Variants in ESRRG observed in about 807,000 individuals in gnomAD.
ESRRG encodes the protein estrogen-related receptor gamma.
ESRRG carries 13 observed loss-of-function variants against 44.0 expected under a neutral mutation model. That is an observed-to-expected ratio of 0.30 (90% CI 0.19 to 0.47). ESRRG has a LOEUF of 0.47. ESRRG is among the 20% of genes least tolerant of loss of function. ESRRG has a pLI of 1.00. For synonymous variants in ESRRG, 215 were observed against 214.6 expected, an observed-to-expected ratio of 1.00 and a Z score of -0.02; for missense variants, 395 against 580.6, an observed-to-expected ratio of 0.68 and a Z score of 3.29.
intron 3 of ESRRG, among the ~76,000 whole-genome samples, chr1:216,620,893 A>G (rs1271785735): frequency 2.0e-5 from 3 of 152,176 alleles, no homozygotes; most frequent in Non-Finnish European, 4.4e-5. Flanking sequence ...AATGATATAG[A>G]AAAAGGAATT....
In ESRRG at chr1:216,780,956, C is replaced by T. The variant is rs149418130; in HGVS notation, c.-13-103465G>A. Among the ~76,000 whole-genome samples, 78 of 152,064 alleles carry T rather than the reference C, an allele frequency of 5.1e-4. 1 individual carries two copies. The highest frequency in any genetic ancestry group is 1.9e-3 in the African/African-American group (77 of 41,530). ...ATCAACAACATATATGGATCCTGTA[C>T]CTTTCTACTTTGGCGCTAAATTCAA... is the stretch of plus-strand genomic sequence containing the variant. On this transcript the variant is annotated intron_variant, in intron 2 of 7. Coordinates refer to the ESRRG transcript ENST00000359162.
chr1:216,817,391 G>A (rs546862963), intron 2 of ESRRG, among the ~76,000 whole-genome samples: 1 of 152,074 alleles, frequency 6.6e-6, no homozygotes, highest in Non-Finnish European at 1.5e-5. Flanking sequence ...AATAATAAAG[G>A]TAGAAAAGAT....
chr1:216,516,668 C>CAGAGAGAGAGAGAG (rs869054150), intron 6 of ESRRG, among the ~76,000 whole-genome samples: 8 of 137,158 alleles, frequency 5.8e-5, no homozygotes, highest in African/African-American at 2.4e-4. Flanking sequence ...CACACACACA[C>CAGAGAGAGAGAGAG]AGAGAGAGAG....
At chr1:216,683,276 C>T (rs2077351727) in intron 1 of ESRRG, among the ~76,000 whole-genome samples, 1 of 152,194 alleles carries the variant, frequency 6.6e-6, no homozygotes, top group South Asian at 2.1e-4. Flanking sequence ...TCCTGACCCA[C>T]ACGCTCAGAA....
intron 1 of ESRRG, among the ~76,000 whole-genome samples, chr1:216,985,330 C>A (rs551916325): frequency 6.6e-6 from 1 of 152,192 alleles, no homozygotes; most frequent in African/African-American, 2.4e-5. Context: ...CCTCCACGCA[C>A]TGGAAGAGGT....
At chr1:216,555,497 A>G (rs369023648) in intron 5 of ESRRG, among the ~76,000 whole-genome samples, 6 of 152,016 alleles carry the variant, frequency 3.9e-5, no homozygotes, top group African/African-American at 1.4e-4. Context: ...ATCATATCAG[A>G]AATTCTAAGT....
chr1:216,837,378 T>G (rs1002673581), intron 2 of ESRRG, among the ~76,000 whole-genome samples: 3 of 149,578 alleles, frequency 2.0e-5, no homozygotes, highest in Non-Finnish European at 2.9e-5. Context: ...GCCACCGCAC[T>G]CCAGCCTGGG....
intron 1 of ESRRG, among the ~76,000 whole-genome samples, chr1:216,692,573 T>G (rs2079271163): frequency 6.6e-6 from 1 of 152,022 alleles, no homozygotes; most frequent in South Asian, 2.1e-4. Context: ...CAAAGAAAAT[T>G]TTTAAATAAA....
chr1:216,530,925 G>GA (rs989148925), intron 5 of ESRRG, among the ~76,000 whole-genome samples: 31 of 150,092 alleles, frequency 2.1e-4, no homozygotes, highest in African/African-American at 6.4e-4. Context: ...AAGTAAAGCA[G>GA]AAAAAAAAAT....
At position 216,537,155 on chromosome 1, in the gene ESRRG, G is replaced by A. The variant is rs111617735; in HGVS notation, c.863-17734C>T. Among the ~76,000 whole-genome samples the A allele has an allele frequency of 8.0e-3, 1,209 of 152,072 alleles. 7 individuals are homozygous for A. Among genetic ancestry groups the A allele is most frequent in the Middle Eastern group, 0.024 (7 of 294 alleles). On this transcript the variant is annotated intron_variant, in intron 5 of 6. Coordinates refer to ENST00000408911, the MANE Select transcript of ESRRG (RefSeq NM_001438.4). Reference sequence around the variant, plus strand: ...TTAGGAAGGAGGGTGTCTAGGAGGCGATTAGGTCATGAAGGTGAACAGAGC... The same window carrying A: ...TTAGGAAGGAGGGTGTCTAGGAGGCAATTAGGTCATGAAGGTGAACAGAGC...
At chr1:216,861,846 A>G (rs1335898297) in intron 2 of ESRRG, among the ~76,000 whole-genome samples, 2 of 152,144 alleles carry the variant, frequency 1.3e-5, no homozygotes. Flanking sequence ...AAACTCAATA[A>G]CAAGAAAACA....
intron 3 of ESRRG, among the ~76,000 whole-genome samples, chr1:216,650,351 A>G (rs962359274): frequency 2.0e-5 from 3 of 152,192 alleles, no homozygotes; most frequent in Non-Finnish European, 4.4e-5. Flanking sequence ...ACATGTGTGG[A>G]ATAGTTGAGT....
chr1:216,582,487 G>T (rs2062978456), intron 3 of ESRRG, among the ~76,000 whole-genome samples: 2 of 152,140 alleles, frequency 1.3e-5, no homozygotes, highest in African/African-American at 4.8e-5. Context: ...TGTCACCCAG[G>T]CTGGAATGCA....
At chr1:217,030,102 C>A (rs562716136) in intron 1 of ESRRG, among the ~76,000 whole-genome samples, 3 of 152,078 alleles carry the variant, frequency 2.0e-5, no homozygotes, top group Non-Finnish European at 4.4e-5. Context: ...TAAGGTGGTG[C>A]GGAGGCAGTG....
rs759694500 is a variant in ESRRG, at chr1:216,825,305, T to C, written c.-14+114277A>G. 2.6e-4 allele frequency among the ~76,000 whole-genome samples: 40 copies of C among 152,340 alleles called. 1 individual carries two copies. Among genetic ancestry groups the C allele is most frequent in the Middle Eastern group, 3.4e-3 (1 of 294 alleles). On this transcript the variant is annotated intron_variant, in intron 2 of 7. Coordinates refer to the ESRRG transcript ENST00000359162. ...GCCTCAGAAGAACAGTGCTTGGAAC[T>C]GAGCTCCATCACACATTGGTTATAC...
rs2061188958 is a variant in ESRRG at position 216,614,798 on chromosome 1, G to A, written c.589+36175C>T. ...ATATTTATACCGCATTTTCTGTTTA[G>A]CTGGTGCATTTAATAAGGAACCAAA... On this transcript the variant is annotated intron_variant, in intron 3 of 6. Coordinates refer to ENST00000408911, the MANE Select transcript of ESRRG (RefSeq NM_001438.4). Among the ~76,000 whole-genome samples, 3 of 152,134 alleles carry A rather than the reference G, an allele frequency of 2.0e-5. No individual in the cohort carries two copies. The South Asian group carries it at 6.2e-4, about 32-fold the overall frequency.
At chr1:216,628,584 T>C (rs13375077) in intron 3 of ESRRG, among the ~76,000 whole-genome samples, 5,012 of 152,218 alleles carry the variant, frequency 0.033, 248 homozygotes, top group African/African-American at 0.11. Flanking sequence ...AGAAAGATCA[T>C]AGAAATCAAC....
At position 216,538,348 on chromosome 1, in the gene ESRRG, T is replaced by C. The variant is rs529765758; in HGVS notation, c.863-18927A>G. On this transcript the variant is annotated intron_variant, in intron 5 of 6. Coordinates refer to ENST00000408911, the MANE Select transcript of ESRRG (RefSeq NM_001438.4). ...TTTGCAGAATTGAAAAATCAACAAC[T>C]GGTGGGAATGGTCACATCTTGAATG... Among the ~76,000 whole-genome samples, 22 of 152,112 alleles carry C rather than the reference T, an allele frequency of 1.4e-4. 2 individuals are homozygous for C. Among genetic ancestry groups the C allele is most frequent in the African/African-American group, 5.3e-4 (22 of 41,514 alleles).
At chr1:216,605,187 G>A (rs1279164878) in intron 3 of ESRRG, among the ~76,000 whole-genome samples, 2 of 152,162 alleles carry the variant, frequency 1.3e-5, no homozygotes. Flanking sequence ...CAGATTTGCA[G>A]TGTTATATGA....
Sources: gnomAD v4.1 joint callset for allele counts (sites outside exome capture counted in the v4.1 genomes callset) on GRCh38, gnomAD v4.1.1 for gene constraint, MANE v1.5 for transcripts, NCBI Gene and HGNC (gene_info 2026-07-23, HGNC 2026-07-21) for gene names.